The following MAF variants were observed in gnomAD, a reference collection of about 807,000 sequenced individuals.
MAF encodes the protein MAF bZIP transcription factor, also known as transcription factor Maf.
Under a neutral mutation model 22.0 loss-of-function variants are expected in MAF, and 10 were observed. The observed-to-expected ratio is 0.45, with a 90% CI of 0.28 to 0.77. MAF has a LOEUF of 0.77. MAF is among the 30% of genes least tolerant of loss of function. The pLI is 0.12. For synonymous variants in MAF, 337 were observed against 255.8 expected (o/e 1.32, Z -3.03); for missense variants, 544 against 548.4 (o/e 0.99, Z 0.08).
At chr16:79,440,647 G>A in the MAF span, among the ~76,000 whole-genome samples, 6 of 152,148 alleles carry the variant, frequency 3.9e-5, no homozygotes, top group African/African-American at 1.2e-4. Flanking sequence ...TGTTGACCTC[G>A]TGATCCACCC....
At chr16:79,379,838 G>A in the MAF span, among the ~76,000 whole-genome samples, 2 of 152,254 alleles carry the variant, frequency 1.3e-5, no homozygotes, top group South Asian at 4.2e-4. Context: ...GGAGGCTTTT[G>A]TCCTATCAGC....
At chr16:79,512,301 C>T in the MAF span, among the ~76,000 whole-genome samples, 4 of 152,170 alleles carry the variant, frequency 2.6e-5, no homozygotes, top group African/African-American at 7.2e-5. Context: ...CGTTTCTCCA[C>T]GAAGCCAGTA....
At chr16:79,328,542 T>C in the MAF span, among the ~76,000 whole-genome samples, 1 of 152,158 alleles carries the variant, frequency 6.6e-6, no homozygotes, top group South Asian at 2.1e-4. Flanking sequence ...CTTAATGCAA[T>C]ATGAGAGCAA....
chr16:79,384,012 G>A, the MAF span, among the ~76,000 whole-genome samples: 5 of 152,310 alleles, frequency 3.3e-5, no homozygotes, highest in South Asian at 1.0e-3. Context: ...ACAGCAACCA[G>A]GTGTGACGTT....
At chr16:79,273,971 T>C in the MAF span, among the ~76,000 whole-genome samples, 1 of 77,622 alleles carries the variant, frequency 1.3e-5, no homozygotes, top group African/African-American at 4.6e-5. Flanking sequence ...TTTTTTTTTT[T>C]TTTGAGACAG....
At chr16:79,493,375 T>C in the MAF span, among the ~76,000 whole-genome samples, 1 of 152,050 alleles carries the variant, frequency 6.6e-6, no homozygotes, top group South Asian at 2.1e-4. Flanking sequence ...AGAGATGGGG[T>C]TTCACTATCT....
chr16:79,349,891 C>T, the MAF span, among the ~76,000 whole-genome samples: 5 of 152,186 alleles, frequency 3.3e-5, no homozygotes, highest in African/African-American at 4.8e-5. Context: ...CAAGCACACA[C>T]GCTCTATGCT....
chr16:79,405,094 G>C, the MAF span, among the ~76,000 whole-genome samples: 1 of 152,158 alleles, frequency 6.6e-6, no homozygotes, highest in African/African-American at 2.4e-5. Context: ...TGGACTCAAT[G>C]ATCTCGAATA....
chr16:79,457,551 A>G, the MAF span, among the ~76,000 whole-genome samples: 9 of 152,324 alleles, frequency 5.9e-5, no homozygotes, highest in Admixed American at 1.3e-4. Flanking sequence ...TATGCTGACA[A>G]TAGTGGAGCT....
At chr16:79,217,118 T>C in the MAF span, among the ~76,000 whole-genome samples, 1 of 152,212 alleles carries the variant, frequency 6.6e-6, no homozygotes, top group African/African-American at 2.4e-5. Flanking sequence ...TGTCATCTGC[T>C]ACTTCTAATT....
chr16:79,309,750 C>G, the MAF span, among the ~76,000 whole-genome samples: 1 of 152,174 alleles, frequency 6.6e-6, no homozygotes, highest in Non-Finnish European at 1.5e-5. Context: ...GCATATCTCC[C>G]TCCCAGCCAG....
chr16:79,402,351 G>C, the MAF span, among the ~76,000 whole-genome samples: 1 of 152,232 alleles, frequency 6.6e-6, no homozygotes, highest in South Asian at 2.1e-4. Flanking sequence ...GCGAGCAGGA[G>C]ACAGATTCTG....
chr16:79,475,079 C>T, the MAF span, among the ~76,000 whole-genome samples: 8 of 152,294 alleles, frequency 5.3e-5, no homozygotes, highest in Admixed American at 3.9e-4. Flanking sequence ...CCGACCAAAG[C>T]GCTTCTGGAA....
At chr16:79,241,007 A>C in the MAF span, among the ~76,000 whole-genome samples, 5 of 152,234 alleles carry the variant, frequency 3.3e-5, no homozygotes, top group African/African-American at 1.2e-4. Flanking sequence ...ATCAACAAAA[A>C]GACATCCACT....
chr16:79,528,382 C>T, the MAF span, among the ~76,000 whole-genome samples: 1 of 152,166 alleles, frequency 6.6e-6, no homozygotes, highest in East Asian at 1.9e-4. Context: ...ACCACCCACA[C>T]TATCAACAGA....
At chr16:79,384,645 T>C in the MAF span, among the ~76,000 whole-genome samples, 1 of 151,460 alleles carries the variant, frequency 6.6e-6, no homozygotes, top group Non-Finnish European at 1.5e-5. Context: ...TAGTCCCAGC[T>C]ACTCAGGAGG....
At chr16:79,289,677 G>A in the MAF span, among the ~76,000 whole-genome samples, 4 of 152,004 alleles carry the variant, frequency 2.6e-5, no homozygotes, top group Non-Finnish European at 4.4e-5. Context: ...GGCACTTGTT[G>A]ACCATTTTAG....
the MAF span, among the ~76,000 whole-genome samples, chr16:79,450,208 G>C: frequency 3.3e-5 from 5 of 152,194 alleles, no homozygotes; most frequent in East Asian, 1.9e-4. Flanking sequence ...AAACCCGCTT[G>C]CATTCTCATA....
At chr16:79,518,737 C>T in the MAF span, among the ~76,000 whole-genome samples, 1 of 152,174 alleles carries the variant, frequency 6.6e-6, no homozygotes, top group Non-Finnish European at 1.5e-5. Flanking sequence ...AAGTTCAAGA[C>T]CTCATGGAGA....
Sources: gnomAD v4.1 joint callset for allele counts (sites outside exome capture counted in the v4.1 genomes callset) on GRCh38, gnomAD v4.1.1 for gene constraint, MANE v1.5 for transcripts, NCBI Gene and HGNC (gene_info 2026-07-23, HGNC 2026-07-21) for gene names.